Variants in FAM227B observed in about 807,000 individuals in gnomAD.
FAM227B encodes the protein family with sequence similarity 227 member B.
In FAM227B, 88 loss-of-function variants were observed where a neutral mutation model predicts 73.8. That is an observed-to-expected ratio of 1.19 (90% CI 1.00 to 1.42). The LOEUF (loss-of-function observed/expected upper bound fraction) is 1.42. Among genes scored for constraint, FAM227B ranks in the 40% most tolerant of loss-of-function variants. The pLI is 0.00. For synonymous variants in FAM227B, 210 were observed against 190.5 expected (o/e 1.10, Z -0.84); for missense variants, 632 against 590.9 (o/e 1.07, Z -0.72).
At chr15:49,617,776 T>TG in intron 1 of FAM227B, among the ~76,000 whole-genome samples, 1 of 148,210 alleles carries the variant, frequency 6.7e-6, no homozygotes, top group South Asian at 2.1e-4. Context: ...CTTTCATGTT[T>TG]TGTGTGTGTG....
chr15:49,559,687 A>G (rs909930342), intron 9 of FAM227B, among the ~76,000 whole-genome samples: 1 of 152,148 alleles, frequency 6.6e-6, no homozygotes, highest in African/African-American at 2.4e-5. Context: ...CTGTAATCCC[A>G]GCACTTTGGG....
chr15:49,367,346 A>T, intron 13 of FAM227B, 102 bp downstream of exon 13: 1 of 1,067,938 alleles, frequency 9.4e-7, no homozygotes, highest in Non-Finnish European at 1.3e-6. Flanking sequence ...AGCATTGATA[A>T]AACATGCATT....
chr15:49,616,957 CA>C (rs1399390155), intron 1 of FAM227B, among the ~76,000 whole-genome samples: 9 of 152,244 alleles, frequency 5.9e-5, no homozygotes, highest in African/African-American at 2.2e-4. Context: ...TTAATCTTTG[CA>C]AAGAACCAGT....
rs2078215640 is a variant in FAM227B at position 49,615,259 on chromosome 15, C to A, written c.-72-16G>T. The A allele has an allele frequency of 1.9e-6, 2 of 1,046,448 alleles. No individual in the cohort carries two copies. Among genetic ancestry groups the A allele is most frequent in the African/African-American group, 3.1e-5 (2 of 63,784 alleles). The allele number at this position is 1,046,448 out of a possible 1,614,324, so 64.8% of individuals were successfully genotyped here. A position where few individuals can be genotyped will look rare whatever the true frequency, so the allele number is the denominator to read the frequency against. The stretch of plus-strand genomic sequence containing the variant: ...GGCGACCAAACTGGGGTATGAAAGA[C>A]ACCCAAATGCAAAAATAAATGACTC... On this transcript the variant is annotated splice_polypyrimidine_tract_variant and intron_variant, in intron 1 of 15. Transcript: ENST00000299338.
chr15:49,440,549 T>C (rs2051541673), intron 11 of FAM227B, among the ~76,000 whole-genome samples: 1 of 151,816 alleles, frequency 6.6e-6, no homozygotes, highest in African/African-American at 2.4e-5. Context: ...TGTACAGTCA[T>C]ACAGCTAAAA....
In FAM227B at chr15:49,589,974, C is replaced by T. The variant is rs754701106; in HGVS notation, c.139G>A (p.Asp47Asn). 5 of 1,605,494 alleles carry T rather than the reference C, an allele frequency of 3.1e-6. No individual in the cohort carries two copies. The East Asian group carries it at 1.1e-4, about 36-fold the overall frequency. The change falls in exon 4 of 16, where the codon GAT becomes AAT. Residue 47 changes from aspartate to asparagine, a missense_variant. Transcript: ENST00000299338. ...YWPREIHFRD[D>N]DKWSCTLKKI... Reference sequence around the variant, plus strand: ...TTCAGAGTGCATGACCATTTATCATCATCTCTAAAATGGATTTCCCTTGGC... The same window carrying T: ...TTCAGAGTGCATGACCATTTATCATTATCTCTAAAATGGATTTCCCTTGGC...
chr15:49,388,273 C>T (rs2047000148), intron 11 of FAM227B, among the ~76,000 whole-genome samples: 1 of 151,702 alleles, frequency 6.6e-6, no homozygotes, highest in South Asian at 2.1e-4. Flanking sequence ...GATACTGATA[C>T]AAAAGTGGGC....
intron 13 of FAM227B, chr15:49,365,919 T>G: frequency 1.0e-6 from 1 of 963,826 alleles, no homozygotes; most frequent in Non-Finnish European, 1.7e-6. Flanking sequence ...TCATTGCTGA[T>G]ACTATGCAGA....
At chr15:49,466,717 C>T (rs192544388) in intron 11 of FAM227B, among the ~76,000 whole-genome samples, 36 of 152,186 alleles carry the variant, frequency 2.4e-4, no homozygotes, top group Admixed American at 9.2e-4. Flanking sequence ...CAGAAGAGAA[C>T]GGCTGGATAT....
At chr15:49,335,350 T>C (rs1455909081) in intron 14 of FAM227B, 69 bp downstream of exon 14, 1 of 1,017,178 alleles carries the variant, frequency 9.8e-7, no homozygotes, top group Non-Finnish European at 1.5e-6. Context: ...GTTTAGATGA[T>C]TTCTCTGATT....
At chr15:49,503,537 G>C (rs886915866) in intron 11 of FAM227B, among the ~76,000 whole-genome samples, 4 of 152,072 alleles carry the variant, frequency 2.6e-5, no homozygotes, top group Admixed American at 2.6e-4. Context: ...CTGACAAAGG[G>C]CTAATATCCA....
chr15:49,333,733 A>G (rs10851475), intron 14 of FAM227B, among the ~76,000 whole-genome samples: 89,625 of 152,070 alleles, frequency 0.59, 26,815 homozygotes, highest in Non-Finnish European at 0.63. Flanking sequence ...TGAAGGGCTG[A>G]ACTTGTCTGA....
intron 1 of FAM227B, among the ~76,000 whole-genome samples, chr15:49,615,937 C>G (rs993876079): frequency 5.3e-5 from 8 of 151,886 alleles, no homozygotes; most frequent in African/African-American, 1.9e-4. Context: ...CTATTATGGT[C>G]TCAAAAAAAA....
At chr15:49,617,948 T>C (rs1026731442) in intron 1 of FAM227B, among the ~76,000 whole-genome samples, 2 of 152,228 alleles carry the variant, frequency 1.3e-5, no homozygotes, top group African/African-American at 4.8e-5. Flanking sequence ...AGTCACCTGC[T>C]ATCCTTTGCT....
intron 11 of FAM227B, among the ~76,000 whole-genome samples, chr15:49,464,961 G>A (rs1384675270): frequency 6.6e-6 from 1 of 152,064 alleles, no homozygotes; most frequent in African/African-American, 2.4e-5. Context: ...TTATTAAGGT[G>A]ATAATAAACA....
At chr15:49,389,349 T>C (rs1325042019) in intron 11 of FAM227B, among the ~76,000 whole-genome samples, 1 of 151,984 alleles carries the variant, frequency 6.6e-6, no homozygotes, top group Non-Finnish European at 1.5e-5. Flanking sequence ...TAGATGGAGC[T>C]GGAGGCCATT....
In FAM227B at chr15:49,328,193, G is replaced by A. The variant is rs2037867035; in HGVS notation, c.*375C>T. The A allele has an allele frequency of 6.3e-7, 1 of 1,583,726 alleles. No individual in the cohort carries two copies. Among genetic ancestry groups the A allele is most frequent in the East Asian group, 2.3e-5 (1 of 43,854 alleles). Reference sequence around the variant, plus strand: ...AAAAAGTCTGAGAGAAACTACTTAGGGCACTTAGGAATTGGCAGGACTTTC... The same window carrying A: ...AAAAAGTCTGAGAGAAACTACTTAGAGCACTTAGGAATTGGCAGGACTTTC... On this transcript the variant is annotated 3_prime_UTR_variant, in exon 16 of 16. Coordinates refer to ENST00000299338, the MANE Select transcript of FAM227B (RefSeq NM_152647.3).
chr15:49,375,225 T>TA (rs1383992787), intron 11 of FAM227B, among the ~76,000 whole-genome samples: 1 of 152,214 alleles, frequency 6.6e-6, no homozygotes, highest in African/African-American at 2.4e-5. Context: ...AGTGTATACT[T>TA]ATGTAGATCG....
intron 10 of FAM227B, among the ~76,000 whole-genome samples, chr15:49,535,565 T>A (rs1567513974): frequency 6.6e-6 from 1 of 151,766 alleles, no homozygotes. Context: ...CAAACACACT[T>A]AGTGAGATCA....
Sources: gnomAD v4.1 joint callset for allele counts (sites outside exome capture counted in the v4.1 genomes callset) on GRCh38, gnomAD v4.1.1 for gene constraint, MANE v1.5 for transcripts, NCBI Gene and HGNC (gene_info 2026-07-23, HGNC 2026-07-21) for gene names.